PLCD4: variants seen among roughly 807,000 people sequenced by gnomAD.
PLCD4 encodes the protein 1-phosphatidylinositol 4,5-bisphosphate phosphodiesterase delta-4.
A neutral mutation model predicts 90.2 loss-of-function variants in PLCD4; 63 were observed. The observed-to-expected ratio is 0.70, with a 90% CI of 0.57 to 0.86. The LOEUF is 0.86. Ranked by LOEUF, PLCD4 falls within the 40% of genes least tolerant of loss-of-function variation. The pLI is 0.00. For missense variants in PLCD4, 830 were observed against 956.3 expected (o/e 0.87, Z 1.74); for synonymous variants, 294 against 356.5 (o/e 0.82, Z 1.97).
At chr2:218,628,364 C>A in intron 7 of PLCD4, 134 bp downstream of exon 7, 1 of 800,248 alleles carries the variant, frequency 1.2e-6, no homozygotes, top group Non-Finnish European at 2.0e-6. Context: ...ATACCAGAGA[C>A]ACTTGGAGGA....
intron 1 of PLCD4, among the ~76,000 whole-genome samples, 167 bp from the exon 2 acceptor site, chr2:218,615,540 G>T (rs1351676008): frequency 6.6e-6 from 1 of 152,112 alleles, no homozygotes; most frequent in Non-Finnish European, 1.5e-5. Context: ...AGAGGCTCTG[G>T]GATCAGACAT....
At chr2:218,619,883 T>A (rs1324816640) in intron 4 of PLCD4, among the ~76,000 whole-genome samples, 2 of 152,116 alleles carry the variant, frequency 1.3e-5, no homozygotes, top group Non-Finnish European at 2.9e-5. Flanking sequence ...AAAATACATT[T>A]TATTTTTTAT....
rs539407157 is a variant in PLCD4, at chr2:218,637,072, C to T, written c.*495C>T. The T allele has an allele frequency of 2.6e-6, 1 of 380,436 alleles. No homozygotes were observed. The highest frequency in any genetic ancestry group is 2.0e-5 in the South Asian group (1 of 49,394). The allele number at this position is 380,436 out of a possible 1,614,324, so 23.6% of individuals were successfully genotyped here. ...AAGATTAGGGAAAGAGACTTGACCC[C>T]AGGACTGTACTACGACTCTTAAGAG... is the stretch of plus-strand genomic sequence containing the variant. On this transcript the variant is annotated 3_prime_UTR_variant, in exon 16 of 16. Transcript: ENST00000450993.
At chr2:218,618,923 TC>T in intron 4 of PLCD4, 116 bp downstream of exon 4, 1 of 959,492 alleles carries the variant, frequency 1.0e-6, no homozygotes, top group Non-Finnish European at 1.6e-6. Flanking sequence ...GGCCCAAGGG[TC>T]CAGATGGTAT....
At position 218,618,751 on chromosome 2, in the gene PLCD4, G is replaced by C. The variant is rs768152730; in HGVS notation, c.354G>C (p.Gly118=). The change falls in exon 4 of 16, where the codon GGG becomes GGC. Residue 118 remains glycine (G), a synonymous_variant. Transcript: ENST00000450993. The part of the protein sequence containing the change: ...SVEEAQIWMR[G]LQLLVDLVTS... ...AGGAGGCCCAGATATGGATGCGAGGGCTCCAGCTGTTGGTGGATCTTGTCA... is the reference window on the plus strand; with the variant it reads ...AGGAGGCCCAGATATGGATGCGAGGCCTCCAGCTGTTGGTGGATCTTGTCA... 6.8e-6 allele frequency: 11 copies of C among 1,609,326 alleles called. No homozygotes were observed. The highest frequency in any genetic ancestry group is 6.8e-5 in the Admixed American group (4 of 59,256).
Position 218,634,249 on chromosome 2 carries a change from G to C in PLCD4, c.1723+28G>C, listed in dbSNP as rs552091715. ...GAGGAGGCAGCAGGGACTGGGAAGA[G>C]GGAGTGGAGGAGCAGCAGGTGGGAA... On this transcript the variant is annotated intron_variant, in intron 12 of 15. Transcript: ENST00000450993. This position sits in a 1 kb window ranked among gnomAD's most constrained non-coding sequence, Gnocchi z 4.0. The C allele has an allele frequency of 3.1e-6, 5 of 1,595,636 alleles. No individual in the cohort carries two copies. In the African/African-American group the frequency reaches 4.0e-5, roughly 13 times the overall value.
chr2:218,623,410 C>A (rs936116869), intron 6 of PLCD4, among the ~76,000 whole-genome samples: 1 of 152,168 alleles, frequency 6.6e-6, no homozygotes. Context: ...ATAAGGAGGC[C>A]AGTTATTTAG....
Position 218,636,340 on chromosome 2 carries a change from C to G in PLCD4, c.2130C>G (p.Ser710=). The G allele has an allele frequency of 6.2e-7, 1 of 1,613,930 alleles. No homozygotes were observed. The highest frequency in any genetic ancestry group is 8.5e-7 in the Non-Finnish European group (1 of 1,179,894). ...RFVVMDYDWK[S]RNDFIGQYTL... is the part of the protein sequence containing the mutation. ...TGGTAATGGATTATGACTGGAAATC[C>G]CGAAATGACTTTATTGGTCAGTACA... The change falls in exon 15 of 16, where the codon TCC becomes TCG. Residue 710 remains serine, a synonymous_variant. Coordinates refer to ENST00000450993, the MANE Select transcript of PLCD4 (RefSeq NM_032726.4).
rs200617193 is a variant in PLCD4 at position 218,635,901 on chromosome 2, C to T, written c.2002C>T (p.Arg668Trp). 193 of 1,613,960 alleles carry T rather than the reference C, an allele frequency of 1.2e-4. No individual in the cohort carries two copies. In the African/African-American group the frequency reaches 2.0e-3, roughly 17 times the overall value. ...QIFGVRLDTA[R>W]QETNYVENNG... is the part of the protein sequence containing the mutation. ...CTTTGGCGTTCGTCTAGACACAGCA[C>T]GGCAGGAGACCAACTATGTGGAGAA... is the stretch of plus-strand genomic sequence containing the variant. The change falls in exon 14 of 16, where the codon CGG (arginine) becomes TGG (tryptophan). Residue 668 changes from arginine (R) to tryptophan (W), a missense_variant. Transcript: ENST00000450993.
At chr2:218,616,726 T>TACATACATACATACATAC (rs1553571847) in intron 3 of PLCD4, among the ~76,000 whole-genome samples, 8 of 128,776 alleles carry the variant, frequency 6.2e-5, no homozygotes, top group Non-Finnish European at 1.1e-4. Context: ...AAAATACATA[T>TACATACATACATACATAC]ATACATACAT....
At chr2:218,635,957 G>A (rs1575046629) in intron 14 of PLCD4, 26 bp downstream of exon 14, 1 of 1,613,958 alleles carries the variant, frequency 6.2e-7, no homozygotes. Context: ...TGCTGGGGAG[G>A]TGGGGGTAGG....
Position 218,615,688 on chromosome 2 carries a change from C to A in PLCD4, c.-33-19C>A. 1 of 1,544,856 alleles carries A rather than the reference C, an allele frequency of 6.5e-7. No homozygotes were observed. On this transcript the variant is annotated intron_variant, in intron 1 of 15. Transcript: ENST00000450993. ...TTCAAGATTCACCCAGAGCCCTTTG[C>A]TCTTCCTTGCTCCTTTAGGTGATCT...
chr2:218,634,071 C>T lies in PLCD4; in HGVS notation c.1607-34C>T, dbSNP rs1438766771. The T allele has an allele frequency of 6.4e-7, 1 of 1,574,150 alleles. No individual in the cohort carries two copies. The highest frequency in any genetic ancestry group is 1.3e-5 in the African/African-American group (1 of 74,078). On this transcript the variant is annotated intron_variant, in intron 11 of 15. Coordinates refer to ENST00000450993, the MANE Select transcript of PLCD4 (RefSeq NM_032726.4). This position sits in a 1 kb window ranked among gnomAD's most constrained non-coding sequence, Gnocchi z 4.0. ...GACTAGGGAAGTGGGAGATTCCACC[C>T]CACTTCCATCTCCCTCTCTATACCC...
At chr2:218,616,104 A>G (rs749341121) in intron 3 of PLCD4, 42 bp downstream of exon 3, 8 of 1,602,408 alleles carry the variant, frequency 5.0e-6, no homozygotes, top group South Asian at 1.1e-5. Flanking sequence ...ATGGGTGGAT[A>G]GAGGCCTGAG....
At chr2:218,618,895 G>C (rs1188880435) in intron 4 of PLCD4, 88 bp downstream of exon 4, 2 of 1,316,376 alleles carry the variant, frequency 1.5e-6, no homozygotes, top group Admixed American at 2.0e-5. Context: ...AAGGTGAGAA[G>C]GGGTGCAGGG....
At chr2:218,613,620 G>C (rs928087501) in intron 1 of PLCD4, among the ~76,000 whole-genome samples, 1 of 151,836 alleles carries the variant, frequency 6.6e-6, no homozygotes. Context: ...CTGGAGCTCA[G>C]TGGTGTAATC....
intron 10 of PLCD4, 140 bp downstream of exon 10, chr2:218,632,452 G>A (rs1054745772): frequency 1.5e-5 from 12 of 776,570 alleles, no homozygotes; most frequent in African/African-American, 1.2e-4. Flanking sequence ...ATTTAAGACC[G>A]CATACATGGC....
At chr2:218,621,645 T>C in intron 5 of PLCD4, 46 bp downstream of exon 5, 1 of 1,610,862 alleles carries the variant, frequency 6.2e-7, no homozygotes, top group Admixed American at 1.7e-5. Flanking sequence ...AGGCCACATT[T>C]TCATTTGGCC....
chr2:218,618,022 G>A (rs999472350), intron 3 of PLCD4, among the ~76,000 whole-genome samples: 3 of 152,134 alleles, frequency 2.0e-5, no homozygotes, highest in African/African-American at 7.2e-5. Context: ...GGGAGGTGGA[G>A]CTTGCAGTGA....
Sources: gnomAD v4.1 joint callset for allele counts (sites outside exome capture counted in the v4.1 genomes callset) on GRCh38, gnomAD v4.1.1 for gene constraint, Gnocchi (gnomAD v3.1) non-coding constraint, MANE v1.5 for transcripts, NCBI Gene and HGNC (gene_info 2026-07-23, HGNC 2026-07-21) for gene names.